Variants in SEC14L2 observed in about 807,000 individuals in gnomAD.
SEC14L2 encodes SEC14-like protein 2.
SEC14L2 carries 50 observed loss-of-function variants against 56.9 expected under a neutral mutation model. That is an observed-to-expected ratio of 0.88 (90% CI 0.70 to 1.11). The LOEUF is 1.11. SEC14L2 is among the 50% of genes most tolerant of loss of function. The pLI is 0.00. For missense variants in SEC14L2, 414 were observed against 500.7 expected, an observed-to-expected ratio of 0.83 and a Z score of 1.65; for synonymous variants, 179 against 188.5, an observed-to-expected ratio of 0.95 and a Z score of 0.41.
At position 30,423,301 on chromosome 22, in the gene SEC14L2, C is replaced by A. The variant is rs546486806; in HGVS notation, c.*894C>A. ...TAAGTGGGATCAAGAGAGCAGCACT[C>A]GGAGAGGGTGTTTGCCAGTCTGAGT... is the stretch of plus-strand genomic sequence containing the variant. On this transcript the variant is annotated 3_prime_UTR_variant, in exon 12 of 12. Coordinates refer to ENST00000615189, the MANE Select transcript of SEC14L2 (RefSeq NM_012429.5). 1.3e-5 allele frequency: 2 copies of A among 152,944 alleles called. No homozygotes were observed. Among genetic ancestry groups the A allele is most frequent in the African/African-American group, 4.8e-5 (2 of 41,592 alleles). The allele number at this position is 152,944 out of a possible 1,614,324, so 9.5% of individuals were successfully genotyped here. A position where few individuals can be genotyped will look rare whatever the true frequency, so the allele number is the denominator to read the frequency against.
chr22:30,412,453 G>A lies in SEC14L2; in HGVS notation c.664+1774G>A, dbSNP rs180818191. 7.3e-4 allele frequency among the ~76,000 whole-genome samples: 111 copies of A among 151,742 alleles called. 1 individual carries two copies. The highest frequency in any genetic ancestry group is 2.6e-3 in the African/African-American group (108 of 41,366). ...TCGGCACAATGTTGTCACAGTCCAC[G>A]CAAGAGGTGTTGCAAGCCTGAATCG... On this transcript the variant is annotated intron_variant, in intron 8 of 11. Transcript: ENST00000615189.
intron 2 of SEC14L2, among the ~76,000 whole-genome samples, chr22:30,402,490 G>A (rs1236678382): frequency 2.0e-5 from 3 of 152,180 alleles, no homozygotes; most frequent in African/African-American, 7.2e-5. Context: ...TCATTTGCCA[G>A]ATGAGAAAAC....
Position 30,424,528 on chromosome 22 carries a change from C to G in SEC14L2, c.*2121C>G, listed in dbSNP as rs1047887170. 8.5e-6 allele frequency: 3 copies of G among 351,926 alleles called. No individual in the cohort carries two copies. In the Admixed American group the frequency reaches 1.1e-4, roughly 13 times the overall value. 21.8% of individuals were successfully genotyped at this position (351,926 alleles called of 1,614,324 possible). On this transcript the variant is annotated 3_prime_UTR_variant, in exon 12 of 12. Transcript: ENST00000615189. Reference sequence around the variant, plus strand: ...AGAGCTAATTCTTAATAAGGCCTACCGGGTATCACGCAAAAACCCTGTGCT... The same window carrying G: ...AGAGCTAATTCTTAATAAGGCCTACGGGGTATCACGCAAAAACCCTGTGCT...
chr22:30,416,532 C>A, intron 11 of SEC14L2, 129 bp downstream of exon 11: 1 of 1,557,870 alleles, frequency 6.4e-7, no homozygotes. Context: ...CAGTTCAATC[C>A]TCTCCTTGTA....
chr22:30,413,589 A>G (rs959650332), intron 8 of SEC14L2, among the ~76,000 whole-genome samples: 2 of 152,174 alleles, frequency 1.3e-5, no homozygotes, highest in African/African-American at 4.8e-5. Flanking sequence ...GGACAGGCTC[A>G]TGAAAGGGTG....
intron 11 of SEC14L2, among the ~76,000 whole-genome samples, chr22:30,417,141 C>T (rs1337070054): frequency 3.3e-5 from 5 of 152,168 alleles, no homozygotes; most frequent in Non-Finnish European, 7.3e-5. Context: ...AATAAACTGA[C>T]ATGTAAACTG....
At chr22:30,415,120 A>C (rs1437094517) in intron 8 of SEC14L2, among the ~76,000 whole-genome samples, 1 of 152,132 alleles carries the variant, frequency 6.6e-6, no homozygotes, top group African/African-American at 2.4e-5. Context: ...TAACGTGTAT[A>C]AGGCACTTTA....
chr22:30,422,473 G>GT lies in SEC14L2; in HGVS notation c.*67dup. 1 of 1,594,554 alleles carries GT rather than the reference G, an allele frequency of 6.3e-7. No individual in the cohort carries two copies. The highest frequency in any genetic ancestry group is 1.1e-5 in the South Asian group (1 of 89,146). On this transcript the variant is annotated 3_prime_UTR_variant, in exon 12 of 12. Coordinates refer to ENST00000615189, the MANE Select transcript of SEC14L2 (RefSeq NM_012429.5). ...CTGTCAATTTCTACCCCTTGTAGCA[G>GT]TCATTTTCGCACAACCCTGAAGCCC...
intron 1 of SEC14L2, chr22:30,397,547 G>A (rs1338630939): frequency 3.5e-6 from 1 of 287,854 alleles, no homozygotes; most frequent in Admixed American, 5.1e-5. Context: ...ATTTCCGGGA[G>A]GCTTTCTTCT....
intron 8 of SEC14L2, 52 bp downstream of exon 8, chr22:30,410,731 C>T (rs1186967014): frequency 7.7e-6 from 12 of 1,549,094 alleles, no homozygotes; most frequent in African/African-American, 4.1e-5. Context: ...TAGCCTAAAT[C>T]GGGTCCAGCT....
chr22:30,418,236 G>C (rs1394216782), intron 11 of SEC14L2, among the ~76,000 whole-genome samples: 1 of 152,072 alleles, frequency 6.6e-6, no homozygotes, highest in African/African-American at 2.4e-5. Flanking sequence ...TTTTTTTAAT[G>C]GATGGGGAAG....
chr22:30,409,067 T>C (rs1213439859), intron 5 of SEC14L2, 120 bp from the exon 6 acceptor site: 3 of 902,876 alleles, frequency 3.3e-6, no homozygotes, highest in Non-Finnish European at 5.6e-6. Context: ...AAACTCTAGG[T>C]CCGGCCCTAA....
chr22:30,412,284 A>G (rs1004406257), intron 8 of SEC14L2, among the ~76,000 whole-genome samples: 1 of 152,206 alleles, frequency 6.6e-6, no homozygotes, highest in African/African-American at 2.4e-5. Context: ...TTAGCTGTGC[A>G]TAGTGGCACA....
Position 30,425,054 on chromosome 22 carries a change from C to G in SEC14L2, c.*2647C>G. 3.2e-6 allele frequency: 1 copy of G among 316,920 alleles called. No individual in the cohort carries two copies. The highest frequency in any genetic ancestry group is 6.3e-6 in the Non-Finnish European group (1 of 159,482). 19.6% of individuals were successfully genotyped at this position (316,920 alleles called of 1,614,324 possible). A position where few individuals can be genotyped will look rare whatever the true frequency, so the allele number is the denominator to read the frequency against. On this transcript the variant is annotated 3_prime_UTR_variant, in exon 12 of 12. Coordinates refer to ENST00000615189, the MANE Select transcript of SEC14L2 (RefSeq NM_012429.5). ...TCCCAGGGGCTCACCGTTCACTCCTCTAGCCTCATTTAGAGCTCGCATTAA... is the reference window on the plus strand; with the variant it reads ...TCCCAGGGGCTCACCGTTCACTCCTGTAGCCTCATTTAGAGCTCGCATTAA...
In SEC14L2 at chr22:30,424,427, C is replaced by T. The variant is rs376898376; in HGVS notation, c.*2020C>T. 5.9e-6 allele frequency: 2 copies of T among 339,166 alleles called. No homozygotes were observed. The highest frequency in any genetic ancestry group is 4.3e-5 in the African/African-American group (2 of 46,456). 21.0% of individuals were successfully genotyped at this position (339,166 alleles called of 1,614,324 possible). A position where few individuals can be genotyped will look rare whatever the true frequency, so the allele number is the denominator to read the frequency against. ...CCCTACAAGACAGAGGCGCCTAGGG[C>T]TGAAAGCGGGGGCCTCCGTAGGGAG... On this transcript the variant is annotated 3_prime_UTR_variant, in exon 12 of 12. Transcript: ENST00000615189.
intron 2 of SEC14L2, among the ~76,000 whole-genome samples, chr22:30,404,204 G>C (rs542342367): frequency 2.0e-5 from 3 of 152,150 alleles, no homozygotes; most frequent in South Asian, 4.2e-4. Flanking sequence ...CTTGTCCAAG[G>C]TCAAGCAGAG....
rs77628034 is a variant in SEC14L2, at chr22:30,403,323, C to A, written c.131-3019C>A. 5.6e-3 allele frequency among the ~76,000 whole-genome samples: 855 copies of A among 152,284 alleles called. 10 individuals are homozygous for A. The highest frequency in any genetic ancestry group is 0.019 in the African/African-American group (806 of 41,548). On this transcript the variant is annotated intron_variant, in intron 2 of 11. Coordinates refer to ENST00000615189, the MANE Select transcript of SEC14L2 (RefSeq NM_012429.5). ...CCCCTGACTGAGGCTGAGTTCTGGG[C>A]ACCCCAGCAAGAAGGATCAGAGAGC...
At chr22:30,404,016 A>G (rs1435264280) in intron 2 of SEC14L2, among the ~76,000 whole-genome samples, 2 of 135,192 alleles carry the variant, frequency 1.5e-5, no homozygotes, top group African/African-American at 2.8e-5. Context: ...TCTCAAAAAA[A>G]AAAAAAAAAA....
chr22:30,397,020 C>T lies in SEC14L2; in HGVS notation c.-97C>T. The T allele has an allele frequency of 8.5e-7, 1 of 1,180,928 alleles. No individual in the cohort carries two copies. The highest frequency in any genetic ancestry group is 1.2e-6 in the Non-Finnish European group (1 of 821,200). The allele number at this position is 1,180,928 out of a possible 1,614,324, so 73.2% of individuals were successfully genotyped here. ...CCGCGGCCCGGGCAAAAGGCTGGGA[C>T]TTTACTCCGGGTGGCGGCGAGGACG... is the stretch of plus-strand genomic sequence containing the variant. On this transcript the variant is annotated 5_prime_UTR_variant, in exon 1 of 12. Coordinates refer to ENST00000615189, the MANE Select transcript of SEC14L2 (RefSeq NM_012429.5).
Sources: allele counts gnomAD v4.1 joint callset (sites outside exome capture counted in the v4.1 genomes callset), GRCh38; gene constraint gnomAD v4.1.1; transcripts MANE v1.5; gene names NCBI Gene and HGNC (gene_info 2026-07-23, HGNC 2026-07-21).